ACSM3: variants seen among roughly 807,000 people sequenced by gnomAD.
ACSM3 encodes acyl-CoA synthetase medium chain family member 3.
ACSM3 carries 61 observed loss-of-function variants against 74.1 expected under a neutral mutation model. The ratio of observed to expected loss-of-function variants is 0.82; its 90% CI spans 0.67 to 1.02. The LOEUF (loss-of-function observed/expected upper bound fraction) is 1.02. Ranked by LOEUF, ACSM3 falls within the 50% of genes least tolerant of loss-of-function variation. The probability of loss-of-function intolerance (pLI) is 0.00; values close to 1 mark genes in which losing one functional copy is unlikely to be tolerated. For synonymous variants in ACSM3, 213 were observed against 241.5 expected (o/e 0.88, Z 1.09); for missense variants, 660 against 697.0 (o/e 0.95, Z 0.60).
At chr16:20,725,801 G>A (rs13333861) in intron 1 of ACSM3, among the ~76,000 whole-genome samples, 9,100 of 152,140 alleles carry the variant, frequency 0.06, 929 homozygotes, top group African/African-American at 0.21. Flanking sequence ...GCAAAACCCT[G>A]TCTCTACTAA....
chr16:20,727,248 A>T, intron 1 of ACSM3: 1 of 448,594 alleles, frequency 2.2e-6, no homozygotes. Flanking sequence ...TGCCTCTCCT[A>T]GCTTCTATGC....
At chr16:20,729,155 C>A in intron 1 of ACSM3, 1 of 591,566 alleles carries the variant, frequency 1.7e-6, no homozygotes, top group Non-Finnish European at 3.1e-6. Context: ...TTGTAATGTA[C>A]TTGTCACTTA....
At chr16:20,678,250 C>T (rs1000577566) in intron 1 of ACSM3, among the ~76,000 whole-genome samples, 1 of 151,622 alleles carries the variant, frequency 6.6e-6, no homozygotes, top group African/African-American at 2.4e-5. Context: ...CGGTGGCCCC[C>T]AGATTTGTAA....
chr16:20,755,651 A>ATTATTATTATTATTATTAT (rs1567338897), intron 3 of ACSM3: 1 of 149,964 alleles, frequency 6.7e-6, no homozygotes, highest in African/African-American at 2.4e-5. Context: ...TATTATTATT[A>ATTATTATTATTATTATTAT]TACTTTAAGT....
intron 1 of ACSM3, chr16:20,702,727 G>A (rs190384884): frequency 4.6e-5 from 7 of 152,240 alleles, no homozygotes; most frequent in Non-Finnish European, 1.0e-4. Context: ...TTTGTCGGAT[G>A]GGTAGATTGC....
At chr16:20,764,395 A>G (rs1228795176) in intron 1 of ACSM3, among the ~76,000 whole-genome samples, 1 of 152,146 alleles carries the variant, frequency 6.6e-6, no homozygotes, top group Non-Finnish European at 1.5e-5. Context: ...AAAACTATGT[A>G]CATGTATTAA....
At position 20,775,918 on chromosome 16, in the gene ACSM3, T is replaced by C. The variant is rs5713; in HGVS notation, c.299T>C (p.Leu100Pro). ...GAGATGCGATGGAGTTTTGAGGAAC[T>C]GGGATCTCTGTCCAGAAAATTTGCC... is the stretch of plus-strand genomic sequence containing the variant. ...GEEMRWSFEE[L>P]GSLSRKFANI... The change falls in exon 3 of 14, where the codon CTG becomes CCG. Residue 100 changes from leucine to proline, a missense_variant. Transcript: ENST00000289416. 0.011 allele frequency: 18,096 copies of C among 1,614,212 alleles called. 127 individuals are homozygous for C. The highest frequency in any genetic ancestry group is 0.013 in the Non-Finnish European group (15,529 of 1,180,026).
chr16:20,796,597 C>A, intron 13 of ACSM3, 108 bp downstream of exon 13: 1 of 1,558,102 alleles, frequency 6.4e-7, no homozygotes, highest in Non-Finnish European at 8.6e-7. Flanking sequence ...CACCACATGT[C>A]CCAAACTGAA....
chr16:20,729,487 G>A (rs2152405585), intron 1 of ACSM3: 1 of 640,488 alleles, frequency 1.6e-6, no homozygotes, highest in East Asian at 2.8e-5. Context: ...TGGAGAGTGT[G>A]CTTGCTGAGC....
intron 9 of ACSM3, among the ~76,000 whole-genome samples, chr16:20,788,063 T>C (rs1477357845): frequency 6.6e-6 from 1 of 152,234 alleles, no homozygotes; most frequent in Non-Finnish European, 1.5e-5. Flanking sequence ...AGATGGGTAC[T>C]GTTATTTACT....
upstream of ACSM3, among the ~76,000 whole-genome samples, chr16:20,762,257 G>A (rs1297803635): frequency 2.0e-5 from 3 of 151,912 alleles, no homozygotes; most frequent in Non-Finnish European, 4.4e-5. Flanking sequence ...TATGCTGAAT[G>A]GTATGTGAGA....
chr16:20,785,676 G>A (rs1390499085), intron 8 of ACSM3, among the ~76,000 whole-genome samples: 1 of 152,064 alleles, frequency 6.6e-6, no homozygotes, highest in East Asian at 1.9e-4. Context: ...ATAGATAAGG[G>A]AAAAGTTGAA....
chr16:20,788,545 C>G (rs1456896239), intron 9 of ACSM3, among the ~76,000 whole-genome samples: 1 of 152,122 alleles, frequency 6.6e-6, no homozygotes, highest in Non-Finnish European at 1.5e-5. Context: ...GCTTCTTGTT[C>G]CTTAGCTAAG....
At chr16:20,747,221 A>T (rs1017849594) in intron 1 of ACSM3, among the ~76,000 whole-genome samples, 1 of 152,156 alleles carries the variant, frequency 6.6e-6, no homozygotes, top group East Asian at 1.9e-4. Context: ...ATCCCAGAGC[A>T]GGGATGAGAA....
upstream of ACSM3, among the ~76,000 whole-genome samples, chr16:20,759,961 C>T (rs2080063484): frequency 6.6e-6 from 1 of 152,094 alleles, no homozygotes; most frequent in Admixed American, 6.5e-5. Context: ...CCAAGGAAAT[C>T]TGAAAAATTA....
At chr16:20,738,789 T>C (rs1358602339) in intron 1 of ACSM3, 1 of 1,287,156 alleles carries the variant, frequency 7.8e-7, no homozygotes, top group Non-Finnish European at 1.1e-6. Context: ...TGCCATCAAA[T>C]GATTAACTGA....
At position 20,682,465 on chromosome 16, in the gene ACSM3, T is replaced by C. The variant is rs868213510; in HGVS notation, c.-190+7643T>C. ...TGGTCGCAGGAATGAAGATGATCCC[T>C]GGGGATGAGAAAGGAACTGATTGTT... is the stretch of plus-strand genomic sequence containing the variant. On this transcript the variant is annotated intron_variant, in intron 1 of 3. Coordinates refer to the ACSM3 transcript ENST00000561584. 9 of 1,612,258 alleles carry C rather than the reference T, an allele frequency of 5.6e-6. No homozygotes were observed. In the East Asian group the frequency reaches 2.0e-4, roughly 36 times the overall value.
intron 6 of ACSM3, 62 bp downstream of exon 6, chr16:20,781,192 C>A (rs1322888149): frequency 6.3e-7 from 1 of 1,578,980 alleles, no homozygotes; most frequent in Non-Finnish European, 8.6e-7. Context: ...GCTGACAGAA[C>A]TGGTGAATAA....
chr16:20,777,924 G>T (rs2080276201), intron 4 of ACSM3, among the ~76,000 whole-genome samples: 1 of 152,186 alleles, frequency 6.6e-6, no homozygotes, highest in Non-Finnish European at 1.5e-5. Flanking sequence ...TCAACCCACT[G>T]GGACCTCTGA....
Sources: gnomAD v4.1 joint callset for allele counts (sites outside exome capture counted in the v4.1 genomes callset) on GRCh38, gnomAD v4.1.1 for gene constraint, MANE v1.5 for transcripts, NCBI Gene and HGNC (gene_info 2026-07-23, HGNC 2026-07-21) for gene names.